The following TENM3 variants were observed in gnomAD, a reference collection of about 807,000 sequenced individuals.
TENM3 encodes the protein teneurin-3.
In TENM3, 63 loss-of-function variants were observed where a neutral mutation model predicts 255.1. The ratio of observed to expected loss-of-function variants is 0.25; its 90% CI spans 0.20 to 0.30. The LOEUF (loss-of-function observed/expected upper bound fraction) is 0.30. Ranked by LOEUF, TENM3 falls within the 10% of genes least tolerant of loss-of-function variation. The pLI, the probability that TENM3 is intolerant of heterozygous loss-of-function variation, is 1.00. For missense variants in TENM3, 2,929 were observed against 3,461.1 expected, an observed-to-expected ratio of 0.85 and a Z score of 3.86; for synonymous variants, 1,306 against 1,322.3, an observed-to-expected ratio of 0.99 and a Z score of 0.27.
chr4:181,495,155 G>A, the TENM3 span, among the ~76,000 whole-genome samples: 4 of 152,090 alleles, frequency 2.6e-5, no homozygotes, highest in South Asian at 8.3e-4. Context: ...AGACAAACAG[G>A]TTCTTAGTGA....
chr4:182,654,030 G>GT (rs1753552453), intron 6 of TENM3, 137 bp downstream of exon 6: 5 of 797,864 alleles, frequency 6.3e-6, no homozygotes, highest in Admixed American at 4.2e-5. Flanking sequence ...CTTTTTATAA[G>GT]TTTTTTTCAA....
At chr4:182,779,557 C>A in intron 24 of TENM3, among the ~76,000 whole-genome samples, 1 of 152,180 alleles carries the variant, frequency 6.6e-6, no homozygotes, top group Non-Finnish European at 1.5e-5. Flanking sequence ...GATTTATAGT[C>A]CTTTACCCAG....
chr4:181,860,841 A>G, the TENM3 span, among the ~76,000 whole-genome samples: 2 of 152,186 alleles, frequency 1.3e-5, no homozygotes, highest in Non-Finnish European at 2.9e-5. Flanking sequence ...TGGGCTGCAG[A>G]TCACATTATG....
At chr4:181,553,502 C>G in the TENM3 span, among the ~76,000 whole-genome samples, 1 of 151,770 alleles carries the variant, frequency 6.6e-6, no homozygotes, top group Non-Finnish European at 1.5e-5. Flanking sequence ...AGTGCAGGGG[C>G]GCGATCTCGG....
chr4:182,765,186 C>T (rs1252498286), intron 22 of TENM3, among the ~76,000 whole-genome samples: 3 of 151,712 alleles, frequency 2.0e-5, no homozygotes, highest in Non-Finnish European at 4.4e-5. Flanking sequence ...GATGTGGACA[C>T]GAGAGCTATT....
chr4:181,971,126 T>C, the TENM3 span, among the ~76,000 whole-genome samples: 1 of 152,198 alleles, frequency 6.6e-6, no homozygotes, highest in African/African-American at 2.4e-5. Context: ...TTATTGGTAA[T>C]TTTTAGTGAT....
the TENM3 span, among the ~76,000 whole-genome samples, chr4:181,467,117 A>ATTT: frequency 9.8e-5 from 3 of 30,548 alleles, no homozygotes; most frequent in Non-Finnish European, 1.4e-4. Flanking sequence ...ATATATATAT[A>ATTT]TATATATATT....
chr4:182,582,093 G>A (rs1026456217), intron 3 of TENM3, among the ~76,000 whole-genome samples: 4 of 152,022 alleles, frequency 2.6e-5, no homozygotes, highest in East Asian at 1.9e-4. Context: ...TCCCTGTAAC[G>A]GAAGAATGCT....
the TENM3 span, among the ~76,000 whole-genome samples, chr4:181,712,894 G>A: frequency 2.0e-5 from 3 of 152,146 alleles, no homozygotes; most frequent in Non-Finnish European, 4.4e-5. Flanking sequence ...CTTTTCTAAT[G>A]TCACAAGATG....
the TENM3 span, among the ~76,000 whole-genome samples, chr4:181,844,718 A>G: frequency 6.6e-6 from 1 of 152,164 alleles, no homozygotes. Flanking sequence ...AAGGATACAG[A>G]TGATCTAAAT....
the TENM3 span, among the ~76,000 whole-genome samples, chr4:181,879,536 C>T: frequency 6.6e-6 from 1 of 152,188 alleles, no homozygotes; most frequent in Non-Finnish European, 1.5e-5. Flanking sequence ...TGCCCGGCTA[C>T]TGACACTGCT....
At chr4:181,979,226 T>G in the TENM3 span, among the ~76,000 whole-genome samples, 6 of 143,580 alleles carry the variant, frequency 4.2e-5, no homozygotes, top group Non-Finnish European at 9.1e-5. Flanking sequence ...TTATATAGAG[T>G]TTTTTTTCTT....
chr4:181,824,814 C>T, the TENM3 span, among the ~76,000 whole-genome samples: 3 of 152,118 alleles, frequency 2.0e-5, no homozygotes, highest in Non-Finnish European at 4.4e-5. Context: ...ATATTCTACT[C>T]GGTGTCCTAG....
the TENM3 span, among the ~76,000 whole-genome samples, chr4:181,646,618 A>G: frequency 6.6e-6 from 1 of 152,152 alleles, no homozygotes; most frequent in African/African-American, 2.4e-5. Context: ...GGCAGAAGGC[A>G]TTATCTATAA....
At chr4:181,576,250 C>T in the TENM3 span, among the ~76,000 whole-genome samples, 48 of 152,266 alleles carry the variant, frequency 3.2e-4, no homozygotes, top group Middle Eastern at 3.4e-3. Flanking sequence ...CCTCCAGTTC[C>T]GTCCATGTTG....
intron 24 of TENM3, among the ~76,000 whole-genome samples, chr4:182,786,147 T>A (rs543235677): frequency 6.6e-6 from 1 of 152,268 alleles, no homozygotes; most frequent in African/African-American, 2.4e-5. Flanking sequence ...TCTGTCCAGA[T>A]GCTGGGTCTC....
At chr4:181,676,919 A>G in the TENM3 span, among the ~76,000 whole-genome samples, 1 of 150,974 alleles carries the variant, frequency 6.6e-6, no homozygotes, top group Non-Finnish European at 1.5e-5. Flanking sequence ...CACCTTATTA[A>G]CCATTTCTTT....
At chr4:181,473,619 G>GA in the TENM3 span, among the ~76,000 whole-genome samples, 82 of 144,548 alleles carry the variant, frequency 5.7e-4, no homozygotes, top group Non-Finnish European at 9.2e-4. Flanking sequence ...AAAATGAAAT[G>GA]AAAAAAAAAA....
At chr4:181,749,626 A>C in the TENM3 span, among the ~76,000 whole-genome samples, 1 of 152,184 alleles carries the variant, frequency 6.6e-6, no homozygotes, top group Non-Finnish European at 1.5e-5. Flanking sequence ...TTCTTTTTAA[A>C]GTTATTATAT....
Sources: allele counts gnomAD v4.1 joint callset (sites outside exome capture counted in the v4.1 genomes callset), GRCh38; gene constraint gnomAD v4.1.1; transcripts MANE v1.5; gene names NCBI Gene and HGNC (gene_info 2026-07-23, HGNC 2026-07-21).